DMXL2: variants seen among roughly 807,000 people sequenced by gnomAD.
The protein encoded by DMXL2 is dmX-like protein 2.
In DMXL2, 103 loss-of-function variants were observed where a neutral mutation model predicts 331.1. The ratio of observed to expected loss-of-function variants is 0.31; its 90% confidence interval spans 0.27 to 0.37. The LOEUF is 0.37. Among genes scored for constraint, DMXL2 ranks in the 10% least tolerant of loss-of-function variants. DMXL2 has a pLI of 1.00. For missense variants in DMXL2, 3,171 were observed against 3,642.9 expected (o/e 0.87, Z 3.33); for synonymous variants, 1,281 against 1,252.1 (o/e 1.02, Z -0.49).
chr15:51,513,905 G>A (rs773175953), intron 15 of DMXL2, among the ~76,000 whole-genome samples: 14 of 152,018 alleles, frequency 9.2e-5, no homozygotes, highest in Non-Finnish European at 1.8e-4. Context: ...TAAACTAAAC[G>A]TCATATTGTT....
chr15:51,519,601 C>T (rs2047226410), intron 13 of DMXL2, among the ~76,000 whole-genome samples: 1 of 149,836 alleles, frequency 6.7e-6, no homozygotes, highest in African/African-American at 2.4e-5. Flanking sequence ...TTCAAAATCT[C>T]CTTCTTTGCT....
intron 18 of DMXL2, among the ~76,000 whole-genome samples, chr15:51,495,920 C>T (rs1404989529): frequency 2.0e-5 from 3 of 151,990 alleles, no homozygotes; most frequent in Non-Finnish European, 4.4e-5. Flanking sequence ...ATCCATCCAT[C>T]CATCTATTTA....
chr15:51,502,211 C>T (rs1216558076), intron 17 of DMXL2, among the ~76,000 whole-genome samples: 12 of 135,090 alleles, frequency 8.9e-5, no homozygotes, highest in Admixed American at 5.7e-4. Context: ...CCAGCCTGGG[C>T]GACAGAGTGA....
intron 42 of DMXL2, chr15:51,450,776 A>T (rs1276130828): frequency 6.0e-6 from 1 of 167,880 alleles, no homozygotes; most frequent in Admixed American, 5.6e-5. Flanking sequence ...ACAAGTTAAG[A>T]AGTTCATTAT....
chr15:51,590,021 C>T lies in DMXL2; in HGVS notation c.88-13840G>A, dbSNP rs538391797. Among the ~76,000 whole-genome samples the T allele has an allele frequency of 1.1e-3, 173 of 152,302 alleles. 1 individual carries two copies. Among genetic ancestry groups the T allele is most frequent in the South Asian group, 2.1e-3 (10 of 4,824 alleles). On this transcript the variant is annotated intron_variant, in intron 1 of 43. Transcript: ENST00000560891. ...ATGTATTGTTCATCTTATTCACAGG[C>T]CTTTCTAGAGAAAAGTGCCCCATCT... is the stretch of plus-strand genomic sequence containing the variant.
chr15:51,576,182 C>CCAAAAAAAAAAAAA lies in DMXL2; in HGVS notation c.88-2_88-1insTTTTTTTTTTTTTG. On this transcript the variant is annotated splice_acceptor_variant, in intron 1 of 43. Coordinates refer to ENST00000560891, the MANE Select transcript of DMXL2 (RefSeq NM_001378457.1). LOFTEE classifies it high-confidence loss of function. Reference sequence around the variant, plus strand: ...CAATATCACAGCCTGATCCATATGCCTAAAAAAAAAAAAAAAAAAAAGTTT... The same window carrying CCAAAAAAAAAAAAA: ...CAATATCACAGCCTGATCCATATGCCCAAAAAAAAAAAAATAAAAAAAAAAAAAAAAAAAAGTTT... 1 of 734,614 alleles carries CCAAAAAAAAAAAAA rather than the reference C, an allele frequency of 1.4e-6. No individual in the cohort carries two copies. The allele number at this position is 734,614 out of a possible 1,614,324, so 45.5% of individuals were successfully genotyped here.
chr15:51,455,992 G>A, intron 39 of DMXL2, 74 bp downstream of exon 39: 1 of 1,534,982 alleles, frequency 6.5e-7, no homozygotes, highest in South Asian at 1.2e-5. Context: ...ATTTTTCGAT[G>A]CACTTTTATC....
At chr15:51,498,398 G>T (rs2043340311) in intron 18 of DMXL2, among the ~76,000 whole-genome samples, 154 bp downstream of exon 18, 1 of 152,162 alleles carries the variant, frequency 6.6e-6, no homozygotes, top group Non-Finnish European at 1.5e-5. Context: ...TTTTCTAACT[G>T]AGCATATTAT....
At chr15:51,594,167 T>C (rs908809331) in intron 1 of DMXL2, among the ~76,000 whole-genome samples, 122 of 152,194 alleles carry the variant, frequency 8.0e-4, no homozygotes, top group African/African-American at 2.9e-3. Context: ...GATAGACCAC[T>C]AGCAAGACTA....
At chr15:51,494,755 A>T (rs1184738745) in intron 19 of DMXL2, among the ~76,000 whole-genome samples, 1 of 152,212 alleles carries the variant, frequency 6.6e-6, no homozygotes, top group African/African-American at 2.4e-5. Context: ...ACTTTGGGTT[A>T]CAACCTCAGG....
chr15:51,499,684 G>A lies in DMXL2; in HGVS notation c.3540C>T (p.Ser1180=). 6.2e-7 allele frequency: 1 copy of A among 1,613,990 alleles called. No individual in the cohort carries two copies. The highest frequency in any genetic ancestry group is 8.5e-7 in the Non-Finnish European group (1 of 1,179,988). The stretch of plus-strand genomic sequence containing the variant: ...CACCGACTCCCACTGTAAGAATGTG[G>A]GAGCCATCTTCTTTTGATACCCAGT... ...HLDWVSKEDG[S]HILTVGVGAN... The change falls in exon 18 of 44, where the codon TCC becomes TCT. Residue 1180 remains serine, a synonymous_variant. Transcript: ENST00000560891.
In DMXL2 at chr15:51,486,176, A is replaced by G; in HGVS notation, c.5379T>C (p.Pro1793=). 6.2e-7 allele frequency: 1 copy of G among 1,614,120 alleles called. No homozygotes were observed. The highest frequency in any genetic ancestry group is 8.5e-7 in the Non-Finnish European group (1 of 1,179,982). ...GSGFSCKRLH[P]DPFLRSLAYW... ...AGGCAAGACTACGCAGGAAAGGATC[A>G]GGATGTAATCTTTTGCAACTGAATC... The change falls in exon 23 of 44, where the codon CCT becomes CCC. Residue 1793 remains proline (P), a synonymous_variant. Transcript: ENST00000560891.
At chr15:51,536,132 T>C (rs1166541828) in intron 12 of DMXL2, 34 bp downstream of exon 12, 1 of 1,478,816 alleles carries the variant, frequency 6.8e-7, no homozygotes, top group East Asian at 2.3e-5. Context: ...GTTTAAAAGC[T>C]TGTGTTAATT....
At chr15:51,579,587 T>G (rs918914162) in intron 1 of DMXL2, among the ~76,000 whole-genome samples, 5 of 152,184 alleles carry the variant, frequency 3.3e-5, no homozygotes, top group Non-Finnish European at 7.3e-5. Flanking sequence ...AATAGCTGTA[T>G]AGTAAATAAA....
Position 51,480,107 on chromosome 15 carries a change from T to C in DMXL2, c.6597A>G (p.Leu2199=). 6.3e-7 allele frequency: 1 copy of C among 1,577,178 alleles called. No individual in the cohort carries two copies. The highest frequency in any genetic ancestry group is 8.7e-7 in the Non-Finnish European group (1 of 1,153,754). ...ETTVKQLQSP[L]PLPTTLPLLS... ...GCAGAGGTAGGGTGGTAGGCAGTGG[T>C]AGTGGAGACTGGAGCTGCTTTACTG... Residue 2199 remains leucine (L), a synonymous_variant, in exon 25 of 44, where the codon CTA becomes CTG. Transcript: ENST00000560891.
intron 29 of DMXL2, among the ~76,000 whole-genome samples, chr15:51,467,482 T>C (rs912724272): frequency 6.6e-6 from 1 of 152,070 alleles, no homozygotes; most frequent in African/African-American, 2.4e-5. Flanking sequence ...GAACAGTCAA[T>C]ACCTCAAACT....
intron 16 of DMXL2, among the ~76,000 whole-genome samples, chr15:51,505,107 G>A (rs1292037535): frequency 6.6e-6 from 1 of 152,150 alleles, no homozygotes; most frequent in Non-Finnish European, 1.5e-5. Flanking sequence ...TACTCAACAT[G>A]TTTCCTTCTC....
At position 51,502,394 on chromosome 15, in the gene DMXL2, C is replaced by T. The variant is rs561127510; in HGVS notation, c.2992+412G>A. Among the ~76,000 whole-genome samples, 11 of 151,166 alleles carry T rather than the reference C, an allele frequency of 7.3e-5. No individual in the cohort carries two copies. The East Asian group carries it at 2.2e-3, about 30-fold the overall frequency. ...CTGGAATGCAGTAGTGTGATGTCAG[C>T]TCACTGCCGCCTCCACCTCTCGAGT... On this transcript the variant is annotated intron_variant, in intron 17 of 43. Transcript: ENST00000560891.
At chr15:51,575,521 A>T (rs1317854459) in intron 2 of DMXL2, among the ~76,000 whole-genome samples, 1 of 152,164 alleles carries the variant, frequency 6.6e-6, no homozygotes, top group African/African-American at 2.4e-5. Flanking sequence ...GGAGAGGTAC[A>T]TATGATGAAA....
Sources: allele counts gnomAD v4.1 joint callset (sites outside exome capture counted in the v4.1 genomes callset), GRCh38; gene constraint gnomAD v4.1.1; transcripts MANE v1.5; gene names NCBI Gene and HGNC (gene_info 2026-07-23, HGNC 2026-07-21).